HDAC9: variants seen among roughly 807,000 people sequenced by gnomAD.
HDAC9 encodes histone deacetylase 9.
Under a neutral mutation model 139.4 loss-of-function variants are expected in HDAC9, and 41 were observed. The observed-to-expected ratio is 0.29, with a 90% CI of 0.23 to 0.38. The LOEUF (loss-of-function observed/expected upper bound fraction) is 0.38, where lower values mean the gene tolerates loss of function less well. Among genes scored for constraint, HDAC9 ranks in the 10% least tolerant of loss-of-function variants. The probability of loss-of-function intolerance (pLI) is 1.00; values close to 1 mark genes in which losing one functional copy is unlikely to be tolerated. For synonymous variants in HDAC9, 517 were observed against 476.2 expected (o/e 1.09, Z -1.12); for missense variants, 1,147 against 1,297.0 (o/e 0.88, Z 1.78).
chr7:18,130,568 C>T (rs1443129979), intron 1 of HDAC9, among the ~76,000 whole-genome samples: 2 of 151,962 alleles, frequency 1.3e-5, no homozygotes, highest in South Asian at 2.1e-4. Flanking sequence ...ATTTAGTGGT[C>T]GTTAGTATAT....
chr7:18,519,391 A>G (rs1804268748), intron 2 of HDAC9, among the ~76,000 whole-genome samples: 1 of 152,208 alleles, frequency 6.6e-6, no homozygotes. Flanking sequence ...TAATATCTAT[A>G]AAGCAGAAAT....
intron 1 of HDAC9, among the ~76,000 whole-genome samples, chr7:18,469,693 C>T (rs1453785926): frequency 1.3e-5 from 2 of 152,086 alleles, no homozygotes; most frequent in African/African-American, 4.8e-5. Flanking sequence ...TTATGAGTCC[C>T]TACTAAGTAG....
intron 1 of HDAC9, among the ~76,000 whole-genome samples, chr7:18,316,440 T>C (rs1662779751): frequency 6.6e-6 from 1 of 151,830 alleles, no homozygotes; most frequent in Admixed American, 6.6e-5. Context: ...TCTATAATGG[T>C]TTTGTGCTGC....
chr7:18,880,847 G>A (rs956177223), intron 22 of HDAC9, among the ~76,000 whole-genome samples: 22 of 151,018 alleles, frequency 1.5e-4, no homozygotes, highest in South Asian at 6.3e-4. Context: ...AGTTGCCGGG[G>A]GGGGGGGAAC....
intron 1 of HDAC9, among the ~76,000 whole-genome samples, chr7:18,474,097 C>T (rs999136158): frequency 3.3e-5 from 5 of 152,188 alleles, no homozygotes; most frequent in Admixed American, 6.5e-5. Flanking sequence ...TATTTCTTTC[C>T]GTCCAATGCT....
At chr7:18,200,475 GT>G (rs1464933992) in intron 2 of HDAC9, among the ~76,000 whole-genome samples, 15 of 152,178 alleles carry the variant, frequency 9.9e-5, no homozygotes, top group African/African-American at 3.6e-4. Context: ...TCAGTGGAAC[GT>G]TTCAGTACTT....
At chr7:18,925,072 G>C (rs1170908302) in intron 22 of HDAC9, among the ~76,000 whole-genome samples, 2 of 152,172 alleles carry the variant, frequency 1.3e-5, no homozygotes, top group Non-Finnish European at 2.9e-5. Flanking sequence ...AAGTGGATCA[G>C]TTTTAACTAC....
chr7:18,644,834 A>T (rs182265657), intron 9 of HDAC9, 41 bp downstream of exon 9: 2 of 1,564,346 alleles, frequency 1.3e-6, no homozygotes, highest in South Asian at 2.4e-5. Flanking sequence ...AACCTAAGCA[A>T]TATCTTTTCA....
intron 2 of HDAC9, among the ~76,000 whole-genome samples, chr7:18,575,206 C>G (rs988588642): frequency 6.6e-6 from 1 of 152,200 alleles, no homozygotes; most frequent in Non-Finnish European, 1.5e-5. Flanking sequence ...CAGTAATAAG[C>G]ATTTCAGCAT....
At chr7:18,276,525 G>A (rs1796731931) in intron 2 of HDAC9, among the ~76,000 whole-genome samples, 1 of 152,156 alleles carries the variant, frequency 6.6e-6, no homozygotes, top group African/African-American at 2.4e-5. Flanking sequence ...AGTGTTCTGA[G>A]CTGTGATTGA....
intron 1 of HDAC9, among the ~76,000 whole-genome samples, chr7:18,412,916 A>T (rs1788707239): frequency 6.6e-6 from 1 of 152,228 alleles, no homozygotes; most frequent in African/African-American, 2.4e-5. Context: ...TATTGATTTT[A>T]AAAACTTTAG....
intron 2 of HDAC9, among the ~76,000 whole-genome samples, chr7:18,267,683 T>C (rs889496162): frequency 2.0e-5 from 3 of 152,168 alleles, no homozygotes; most frequent in African/African-American, 7.2e-5. Flanking sequence ...ACATTTTCTT[T>C]ATTCTTTCTT....
intron 13 of HDAC9, among the ~76,000 whole-genome samples, chr7:18,732,976 C>T (rs1786444591): frequency 8.4e-6 from 1 of 119,428 alleles, no homozygotes; most frequent in Non-Finnish European, 1.6e-5. Context: ...TGTATATACA[C>T]ATGTGTATGT....
chr7:18,865,559 G>T (rs1798427730), intron 21 of HDAC9, among the ~76,000 whole-genome samples: 1 of 152,106 alleles, frequency 6.6e-6, no homozygotes, highest in African/African-American at 2.4e-5. Context: ...TTCCACAAAT[G>T]CCCATGGTAA....
intron 2 of HDAC9, among the ~76,000 whole-genome samples, chr7:18,583,951 T>C (rs910852495): frequency 1.3e-5 from 2 of 152,126 alleles, no homozygotes; most frequent in African/African-American, 2.4e-5. Flanking sequence ...CTTAACCTTT[T>C]ACACTGAACT....
At chr7:18,230,680 T>G (rs573124117) in intron 2 of HDAC9, among the ~76,000 whole-genome samples, 1 of 152,336 alleles carries the variant, frequency 6.6e-6, no homozygotes, top group South Asian at 2.1e-4. Flanking sequence ...TTAATGGGTT[T>G]TGGTCTTTGT....
At chr7:18,945,253 G>T (rs1585376096) in intron 23 of HDAC9, among the ~76,000 whole-genome samples, 1 of 152,272 alleles carries the variant, frequency 6.6e-6, no homozygotes. Flanking sequence ...ATATCACCAT[G>T]GTTTTGATTT....
intron 2 of HDAC9, among the ~76,000 whole-genome samples, chr7:18,565,005 T>G (rs1381346142): frequency 6.8e-6 from 1 of 146,866 alleles, no homozygotes; most frequent in Non-Finnish European, 1.5e-5. Context: ...ATTTATTTAT[T>G]TATTATTTTG....
chr7:18,174,211 C>T (rs1019248765), intron 2 of HDAC9, among the ~76,000 whole-genome samples: 1 of 152,178 alleles, frequency 6.6e-6, no homozygotes, highest in African/African-American at 2.4e-5. Flanking sequence ...TCTTCAATCA[C>T]TGATACCTTT....
Sources: gnomAD v4.1 joint callset for allele counts (sites outside exome capture counted in the v4.1 genomes callset) on GRCh38, gnomAD v4.1.1 for gene constraint, MANE v1.5 for transcripts, NCBI Gene and HGNC (gene_info 2026-07-23, HGNC 2026-07-21) for gene names.